Variants in RUFY4 observed in about 807,000 individuals in gnomAD.
RUFY4 encodes RUN and FYVE domain-containing protein 4.
Under a neutral mutation model 69.0 loss-of-function variants are expected in RUFY4, and 73 were observed. That is an observed-to-expected ratio of 1.06 (90% CI 0.88 to 1.29). The LOEUF (loss-of-function observed/expected upper bound fraction) is 1.29. Among genes scored for constraint, RUFY4 ranks in the 50% most tolerant of loss-of-function variants. RUFY4 has a pLI of 0.00. For synonymous variants in RUFY4, 287 were observed against 271.8 expected (o/e 1.06, Z -0.55); for missense variants, 770 against 705.6 (o/e 1.09, Z -1.03).
At chr2:218,038,503 G>A (rs769709779) in intron 2 of RUFY4, among the ~76,000 whole-genome samples, 21 of 152,246 alleles carry the variant, frequency 1.4e-4, no homozygotes, top group Non-Finnish European at 2.6e-4. Context: ...ATTAACAAAA[G>A]TGAATTGATT....
intron 5 of RUFY4, 148 bp downstream of exon 7, chr2:218,073,534 G>C: frequency 3.4e-6 from 4 of 1,166,708 alleles, no homozygotes; most frequent in South Asian, 3.0e-5. Flanking sequence ...TCTAGCCCTC[G>C]ATGCTCCCAG....
chr2:218,050,665 T>C (rs1688923932), intron 2 of RUFY4, among the ~76,000 whole-genome samples: 1 of 152,238 alleles, frequency 6.6e-6, no homozygotes, highest in Admixed American at 6.5e-5. Context: ...CCACACATTT[T>C]TTTTGGCCTG....
intron 2 of RUFY4, among the ~76,000 whole-genome samples, chr2:218,053,601 C>T (rs1688992290): frequency 6.6e-6 from 1 of 152,158 alleles, no homozygotes; most frequent in African/African-American, 2.4e-5. Flanking sequence ...GCTCCGCCTC[C>T]CGGATTCATC....
chr2:218,066,779 T>A (rs12475909), upstream of RUFY4, among the ~76,000 whole-genome samples: 46,407 of 152,170 alleles, frequency 0.3, 7,367 homozygotes, highest in South Asian at 0.39. Context: ...AATGTCTGTT[T>A]TCTGTTCCAG....
At chr2:218,072,315 G>T (rs1689507338) in intron 2 of RUFY4, 59 bp from the exon 5 acceptor site, 1 of 1,522,906 alleles carries the variant, frequency 6.6e-7, no homozygotes, top group Non-Finnish European at 8.8e-7. Flanking sequence ...AAGCTAGAAT[G>T]CAGGGCGTGT....
rs142711905 is a variant in RUFY4 at position 218,071,850 on chromosome 2, C to G, written c.154-524C>G. Among the ~76,000 whole-genome samples the G allele has an allele frequency of 9.4e-4, 143 of 152,290 alleles. No homozygotes were observed. In the Middle Eastern group the frequency reaches 0.014, roughly 14 times the overall value. On this transcript the variant is annotated intron_variant, in intron 2 of 10. Coordinates refer to ENST00000344321, the Ensembl canonical transcript of RUFY4. ...GAAAGGCAGTATTACAACCAGGCAC[C>G]CTGCTCCCCACACACAGGCAGCATC...
intron 6 of RUFY4, among the ~76,000 whole-genome samples, chr2:218,074,143 C>A (rs531438721): frequency 1.3e-5 from 2 of 152,068 alleles, no homozygotes; most frequent in African/African-American, 4.8e-5. Flanking sequence ...TGGGCCCAGA[C>A]AAGGAGAAAG....
upstream of RUFY4, chr2:218,070,250 A>C: frequency 3.1e-6 from 1 of 322,584 alleles, no homozygotes; most frequent in Non-Finnish European, 6.1e-6. Flanking sequence ...GTGATGCTGG[A>C]TAAAAGACTT....
At chr2:218,089,685 A>C (rs1689984012) in intron 10 of RUFY4, 3 of 703,174 alleles carry the variant, frequency 4.3e-6, no homozygotes, top group Non-Finnish European at 5.2e-6. Context: ...CTGTGAGCAC[A>C]GTGCTAGGAC....
chr2:218,048,804 AG>A (rs1449598259), intron 2 of RUFY4, among the ~76,000 whole-genome samples: 8 of 152,284 alleles, frequency 5.3e-5, no homozygotes, highest in African/African-American at 1.9e-4. Flanking sequence ...GAGGAAACAG[AG>A]GTAAACATGT....
chr2:218,052,515 C>T (rs553492975), intron 2 of RUFY4, among the ~76,000 whole-genome samples: 105 of 152,262 alleles, frequency 6.9e-4, no homozygotes, highest in South Asian at 1.2e-3. Context: ...TCCAAATAGG[C>T]TTCCCATAAA....
intron 8 of RUFY4, among the ~76,000 whole-genome samples, chr2:218,082,456 A>G (rs925162710): frequency 4.6e-5 from 7 of 152,160 alleles, no homozygotes; most frequent in African/African-American, 1.7e-4. Context: ...ATGTTTAAAA[A>G]CAAAGCCGGG....
chr2:218,059,982 A>G (rs543077222), intron 3 of RUFY4: 1 of 177,726 alleles, frequency 5.6e-6, no homozygotes, highest in South Asian at 1.9e-4. Flanking sequence ...CTTTGTGGAC[A>G]CCTTCTATTT....
intron 8 of RUFY4, among the ~76,000 whole-genome samples, chr2:218,082,765 T>G (rs992340728): frequency 2.6e-5 from 4 of 151,886 alleles, no homozygotes; most frequent in Admixed American, 6.6e-5. Flanking sequence ...ATATATGTGT[T>G]GTGTGTATTG....
intron 4 of RUFY4, 143 bp from the exon 7 acceptor site, chr2:218,073,100 C>A: frequency 1.7e-6 from 2 of 1,169,450 alleles, no homozygotes; most frequent in Non-Finnish European, 2.4e-6. Context: ...TCCTGAAGGG[C>A]CACAACTCTG....
At chr2:218,062,639 A>T (rs566471246) in intron 3 of RUFY4, among the ~76,000 whole-genome samples, 59 of 152,294 alleles carry the variant, frequency 3.9e-4, no homozygotes, top group Admixed American at 1.2e-3. Flanking sequence ...TGAACCCGGG[A>T]GGCAGGGGTT....
intron 2 of RUFY4, among the ~76,000 whole-genome samples, chr2:218,056,459 C>T (rs1689068361): frequency 6.6e-6 from 1 of 152,078 alleles, no homozygotes; most frequent in Non-Finnish European, 1.5e-5. Context: ...TGGCCCGGGT[C>T]CCTGACACTG....
intron 2 of RUFY4, among the ~76,000 whole-genome samples, chr2:218,072,164 T>A (rs539171358): frequency 3.9e-5 from 6 of 152,286 alleles, no homozygotes; most frequent in Non-Finnish European, 7.4e-5. Flanking sequence ...AATAAGGGCC[T>A]CTGAATGAAT....
chr2:218,039,206 G>T (rs1959024337), intron 2 of RUFY4, among the ~76,000 whole-genome samples: 1 of 152,170 alleles, frequency 6.6e-6, no homozygotes, highest in African/African-American at 2.4e-5. Flanking sequence ...CTTGCCAGTG[G>T]CAGAATTGTA....
Sources: allele counts gnomAD v4.1 joint callset (sites outside exome capture counted in the v4.1 genomes callset), GRCh38; gene constraint gnomAD v4.1.1; transcripts MANE v1.5; gene names NCBI Gene and HGNC (gene_info 2026-07-23, HGNC 2026-07-21).